PCDH15: variants seen among roughly 807,000 people sequenced by gnomAD.
PCDH15 encodes the protein protocadherin-15.
A neutral mutation model predicts 178.5 loss-of-function variants in PCDH15; 129 were observed. The observed-to-expected ratio is 0.72, with a 90% CI of 0.63 to 0.84. The LOEUF is 0.84. Ranked by LOEUF, PCDH15 falls within the 40% of genes least tolerant of loss-of-function variation. The pLI is 0.00. For missense variants in PCDH15, 2,230 were observed against 2,099.9 expected (o/e 1.06, Z -1.21); for synonymous variants, 800 against 732.0 (o/e 1.09, Z -1.50).
chr10:55,355,616 T>A (rs1486255817), intron 2 of PCDH15, among the ~76,000 whole-genome samples: 3 of 151,968 alleles, frequency 2.0e-5, no homozygotes, highest in Non-Finnish European at 4.4e-5. Flanking sequence ...TACTGTCGAG[T>A]GTTTCGAGTT....
chr10:54,889,818 C>CT (rs2131814701), intron 3 of PCDH15, among the ~76,000 whole-genome samples: 1 of 151,714 alleles, frequency 6.6e-6, no homozygotes, highest in African/African-American at 2.4e-5. Flanking sequence ...TAAATAATCA[C>CT]TTTTTTATTG....
chr10:54,046,625 C>G (rs1031757415), intron 18 of PCDH15, among the ~76,000 whole-genome samples: 14 of 135,612 alleles, frequency 1.0e-4, no homozygotes, highest in Non-Finnish European at 2.1e-4. Context: ...AACAAAAAAA[C>G]CCAGGAAATT....
intron 9 of PCDH15, among the ~76,000 whole-genome samples, chr10:54,226,714 T>G (rs1190843132): frequency 6.6e-6 from 1 of 152,182 alleles, no homozygotes; most frequent in Non-Finnish European, 1.5e-5. Context: ...CAAGGCAAGT[T>G]CCTTCCACCT....
chr10:54,368,550 C>A (rs914097024), intron 5 of PCDH15, among the ~76,000 whole-genome samples: 3 of 151,900 alleles, frequency 2.0e-5, no homozygotes, highest in East Asian at 1.9e-4. Context: ...GAAAATAAAA[C>A]AAAGCAAAAC....
At chr10:54,520,979 G>A (rs543341684) in intron 3 of PCDH15, among the ~76,000 whole-genome samples, 19 of 147,966 alleles carry the variant, frequency 1.3e-4, no homozygotes, top group East Asian at 1.0e-3. Context: ...AACAAACACC[G>A]CATGTTCTCA....
At chr10:53,969,555 G>A (rs1049722952) in intron 21 of PCDH15, among the ~76,000 whole-genome samples, 13 of 152,158 alleles carry the variant, frequency 8.5e-5, no homozygotes, top group Admixed American at 7.2e-4. Context: ...GCACATGATT[G>A]TCAGATTCAC....
intron 1 of PCDH15, among the ~76,000 whole-genome samples, chr10:55,301,921 T>C (rs1021688150): frequency 3.6e-4 from 55 of 152,312 alleles, no homozygotes; most frequent in African/African-American, 1.3e-3. Flanking sequence ...GTCTGAGTTC[T>C]CTGTTCTGTT....
chr10:54,717,843 G>A (rs1244558127), intron 1 of PCDH15, among the ~76,000 whole-genome samples: 9 of 143,322 alleles, frequency 6.3e-5, no homozygotes, highest in South Asian at 4.4e-4. Flanking sequence ...TCATAATAGC[G>A]AAGACTTGGA....
intron 1 of PCDH15, among the ~76,000 whole-genome samples, chr10:54,709,463 A>G (rs2095405203): frequency 6.6e-6 from 1 of 151,424 alleles, no homozygotes; most frequent in African/African-American, 2.4e-5. Flanking sequence ...TGAGGATAAT[A>G]ATATCAATAA....
rs2092992404 is a variant in PCDH15 at position 54,023,543 on chromosome 10, T to C, written c.2221-346A>G. ...AATTTTGTTTGTAATTCATTTAACA[T>C]AATCTGCCGAGTGACAATTTAAGAT... On this transcript the variant is annotated intron_variant, in intron 18 of 37. Transcript: ENST00000644397. 2.0e-5 allele frequency among the ~76,000 whole-genome samples: 3 copies of C among 148,316 alleles called. No individual in the cohort carries two copies. In the South Asian group the frequency reaches 6.3e-4, roughly 31 times the overall value.
intron 2 of PCDH15, among the ~76,000 whole-genome samples, chr10:54,564,033 C>T (rs1407709641): frequency 6.6e-6 from 1 of 152,116 alleles, no homozygotes; most frequent in African/African-American, 2.4e-5. Flanking sequence ...GGAGGAGAGG[C>T]AAGGCTGTTG....
intron 19 of PCDH15, among the ~76,000 whole-genome samples, chr10:54,022,283 A>T (rs182553840): frequency 2.0e-4 from 31 of 152,200 alleles, no homozygotes; most frequent in African/African-American, 7.0e-4. Flanking sequence ...TGATACAGAG[A>T]TGTCATTAAA....
intron 28 of PCDH15, among the ~76,000 whole-genome samples, chr10:53,841,073 T>C (rs2077611757): frequency 6.6e-6 from 1 of 152,196 alleles, no homozygotes; most frequent in Non-Finnish European, 1.5e-5. Flanking sequence ...TTTAGGTGAA[T>C]AAAAACAACA....
intron 2 of PCDH15, among the ~76,000 whole-genome samples, chr10:55,454,389 T>A (rs1187137122): frequency 6.6e-6 from 1 of 152,042 alleles, no homozygotes; most frequent in African/African-American, 2.4e-5. Flanking sequence ...ATTACAGTAT[T>A]GAAACTGAGA....
intron 2 of PCDH15, among the ~76,000 whole-genome samples, chr10:55,572,714 T>C (rs1842429203): frequency 6.6e-6 from 1 of 152,028 alleles, no homozygotes; most frequent in Admixed American, 6.6e-5. Flanking sequence ...TCAGATGCTA[T>C]GAGAAAACAG....
intron 2 of PCDH15, among the ~76,000 whole-genome samples, chr10:55,014,991 C>T (rs1274543134): frequency 6.6e-6 from 1 of 151,964 alleles, no homozygotes; most frequent in African/African-American, 2.4e-5. Flanking sequence ...GAGGCCGAGG[C>T]GGGCAGATCA....
chr10:54,329,292 A>G (rs1434067679), intron 7 of PCDH15, among the ~76,000 whole-genome samples: 1 of 151,950 alleles, frequency 6.6e-6, no homozygotes, highest in Non-Finnish European at 1.5e-5. Flanking sequence ...TACACACCCA[A>G]GGTGATTCTG....
At chr10:55,224,426 T>C (rs1167907380) in intron 1 of PCDH15, among the ~76,000 whole-genome samples, 1 of 152,088 alleles carries the variant, frequency 6.6e-6, no homozygotes, top group African/African-American at 2.4e-5. Flanking sequence ...TTAAGGGTCC[T>C]TGTGTGCTTT....
At chr10:54,897,492 T>C (rs1056477710) in exon 3 of PCDH15, 2 of 152,190 alleles carry the variant, frequency 1.3e-5, no homozygotes, top group East Asian at 1.9e-4. Context: ...AACATGACAA[T>C]GCAAATTCCT....
Sources: gnomAD v4.1 joint callset for allele counts (sites outside exome capture counted in the v4.1 genomes callset) on GRCh38, gnomAD v4.1.1 for gene constraint, MANE v1.5 for transcripts, NCBI Gene and HGNC (gene_info 2026-07-23, HGNC 2026-07-21) for gene names.